The following RANBP3 variants were observed in gnomAD, a reference collection of about 807,000 sequenced individuals.
The protein encoded by RANBP3 is RAN binding protein 3.
Under a neutral mutation model 77.3 loss-of-function variants are expected in RANBP3, and 14 were observed. That is an observed-to-expected ratio of 0.18 (90% confidence interval 0.12 to 0.28). The LOEUF (loss-of-function observed/expected upper bound fraction) is 0.28, where lower values mean the gene tolerates loss of function less well. Ranked by LOEUF, RANBP3 falls within the 10% of genes least tolerant of loss-of-function variation. The probability of loss-of-function intolerance (pLI) is 1.00; values close to 1 mark genes in which losing one functional copy is unlikely to be tolerated. For synonymous variants in RANBP3, 315 were observed against 312.4 expected (o/e 1.01, Z -0.09); for missense variants, 586 against 752.3 (o/e 0.78, Z 2.59).
intron 7 of RANBP3, 50 bp from the exon 8 acceptor site, chr19:5,931,581 C>CA: frequency 1.3e-6 from 2 of 1,564,360 alleles, no homozygotes; most frequent in Admixed American, 3.5e-5. Flanking sequence ...GCGGCCCTCC[C>CA]ACCCCCACTC....
chr19:5,928,907 A>G (rs931653594), intron 8 of RANBP3, among the ~76,000 whole-genome samples: 1 of 152,230 alleles, frequency 6.6e-6, no homozygotes, highest in Non-Finnish European at 1.5e-5. Flanking sequence ...AGAAATTTTA[A>G]AAGGCTTTTG....
intron 1 of RANBP3, among the ~76,000 whole-genome samples, chr19:5,974,944 G>C (rs546428027): frequency 2.0e-5 from 3 of 152,342 alleles, no homozygotes; most frequent in Non-Finnish European, 4.4e-5. Flanking sequence ...ATGGCAAATG[G>C]ATGGAGGAGG....
At chr19:5,931,341 GGCTGCCCTCCC>G in intron 8 of RANBP3, 52 bp downstream of exon 8, 11 of 1,544,940 alleles carry the variant, frequency 7.1e-6, no homozygotes, top group Non-Finnish European at 9.7e-6. Context: ...ATGCTGGGAA[GGCTGCCCTCCC>G]GCTCCCAAGG....
Position 5,921,971 on chromosome 19 carries a change from T to C in RANBP3, c.1210-650A>G, listed in dbSNP as rs991672891. Among the ~76,000 whole-genome samples the C allele has an allele frequency of 1.3e-5, 2 of 152,132 alleles. No homozygotes were observed. Among genetic ancestry groups the C allele is most frequent in the African/African-American group, 4.8e-5 (2 of 41,442 alleles). On this transcript the variant is annotated intron_variant, in intron 13 of 16. Coordinates refer to ENST00000340578, the MANE Select transcript of RANBP3 (RefSeq NM_007322.3). The surrounding 1 kb of genome is among the most constrained non-coding windows in gnomAD (Gnocchi z 5.3). Reference sequence around the variant, plus strand: ...AAGGCCACATAGTGCGTTGATGCCATTTATATGAAATGTCAAGGACAGGCA... The same window carrying C: ...AAGGCCACATAGTGCGTTGATGCCACTTATATGAAATGTCAAGGACAGGCA...
intron 1 of RANBP3, among the ~76,000 whole-genome samples, chr19:5,969,122 G>A (rs945671510): frequency 5.3e-5 from 8 of 152,304 alleles, no homozygotes; most frequent in East Asian, 3.9e-4. Context: ...GGAGGAGAAC[G>A]GGAAGGGCTG....
Position 5,923,185 on chromosome 19 carries a change from G to A in RANBP3, c.1209+9C>T. 1 of 1,612,632 alleles carries A rather than the reference G, an allele frequency of 6.2e-7. No homozygotes were observed. On this transcript the variant is annotated intron_variant, in intron 13 of 16. Coordinates refer to ENST00000340578, the MANE Select transcript of RANBP3 (RefSeq NM_007322.3). ...ACCCAGGGCCACCGAGGAGGGGCCG[G>A]CCCCTCACCTGTAACACATTGCTCT...
intron 3 of RANBP3, among the ~76,000 whole-genome samples, chr19:5,943,979 C>A (rs1274004605): frequency 3.3e-5 from 5 of 151,990 alleles, no homozygotes; most frequent in African/African-American, 1.2e-4. Context: ...GCCGGAAGAA[C>A]TCAGTGTATT....
At position 5,932,504 on chromosome 19, in the gene RANBP3, C is replaced by G. The variant is rs758649043; in HGVS notation, c.513G>C (p.Val171=). ...GAGCTTGTAACACTGCCGGGCGAAG[C>G]ACGCTCCGCTGCTGCTCCTTGGGCT... ...SQKPKEQQRS[V]LRPAVLQAPQ... The change falls in exon 7 of 17, where the codon GTG becomes GTC. Residue 171 remains valine, a synonymous_variant. Coordinates refer to ENST00000340578, the MANE Select transcript of RANBP3 (RefSeq NM_007322.3). The G allele has an allele frequency of 6.2e-7, 1 of 1,613,882 alleles. No individual in the cohort carries two copies. The highest frequency in any genetic ancestry group is 8.5e-7 in the Non-Finnish European group (1 of 1,180,024).
chr19:5,943,904 C>T (rs948982695), intron 3 of RANBP3, among the ~76,000 whole-genome samples: 1 of 152,178 alleles, frequency 6.6e-6, no homozygotes, highest in Non-Finnish European at 1.5e-5. Context: ...GAGTCAGTAC[C>T]AACTCCGGCC....
At chr19:5,942,353 C>A (rs2058148738) in intron 3 of RANBP3, among the ~76,000 whole-genome samples, 1 of 152,162 alleles carries the variant, frequency 6.6e-6, no homozygotes, top group Non-Finnish European at 1.5e-5. Context: ...ATGTTTTGGA[C>A]CAAAGCCCAC....
intron 12 of RANBP3, among the ~76,000 whole-genome samples, chr19:5,923,603 C>A (rs1275078478): frequency 6.6e-6 from 1 of 152,230 alleles, no homozygotes; most frequent in African/African-American, 2.4e-5. Context: ...CCCCACCCTC[C>A]CCACGGCCAC....
At position 5,917,662 on chromosome 19, in the gene RANBP3, A is replaced by G. The variant is rs1328896264; in HGVS notation, c.1661-9T>C. On this transcript the variant is annotated splice_polypyrimidine_tract_variant and intron_variant, in intron 16 of 16. Coordinates refer to ENST00000340578, the MANE Select transcript of RANBP3 (RefSeq NM_007322.3). ...CCCTTCGTCACCAGCACCTGCAGGGAAGCAGCAGCCCCGCATCAGGATGGA... is the reference window on the plus strand; with the variant it reads ...CCCTTCGTCACCAGCACCTGCAGGGGAGCAGCAGCCCCGCATCAGGATGGA... 2 of 1,606,004 alleles carry G rather than the reference A, an allele frequency of 1.2e-6. No individual in the cohort carries two copies. The highest frequency in any genetic ancestry group is 2.7e-5 in the African/African-American group (2 of 74,840).
At chr19:5,965,056 T>A (rs1043041733) in intron 1 of RANBP3, among the ~76,000 whole-genome samples, 1 of 152,066 alleles carries the variant, frequency 6.6e-6, no homozygotes, top group Admixed American at 6.6e-5. Flanking sequence ...AGGGGGTCTC[T>A]TCCCCTGGTG....
Position 5,917,240 on chromosome 19 carries a change from G to A in RANBP3, c.*370C>T. On this transcript the variant is annotated 3_prime_UTR_variant, in exon 17 of 17. Transcript: ENST00000340578. Reference sequence around the variant, plus strand: ...CCCACAGCAGGGTGGGAAGGGTGTGGGTGGCGGAGAAGCCAGGGGCTCTGG... The same window carrying A: ...CCCACAGCAGGGTGGGAAGGGTGTGAGTGGCGGAGAAGCCAGGGGCTCTGG... 1 of 353,260 alleles carries A rather than the reference G, an allele frequency of 2.8e-6. No individual in the cohort carries two copies. 21.9% of individuals were successfully genotyped at this position (353,260 alleles called of 1,614,324 possible). A position where few individuals can be genotyped will look rare whatever the true frequency, so the allele number is the denominator to read the frequency against.
At chr19:5,933,776 G>T (rs1276950817) in intron 5 of RANBP3, 1 of 300,032 alleles carries the variant, frequency 3.3e-6, no homozygotes, top group African/African-American at 2.2e-5. Context: ...GCAGGCTCAG[G>T]AGCCGAGCTG....
intron 5 of RANBP3, chr19:5,934,037 G>T (rs2058032221): frequency 6.6e-6 from 1 of 152,318 alleles, no homozygotes; most frequent in Admixed American, 6.5e-5. Context: ...CAGTGAGGGG[G>T]CACTCCTGGC....
chr19:5,923,376 G>T, intron 12 of RANBP3, 73 bp from the exon 13 acceptor site: 1 of 1,457,980 alleles, frequency 6.9e-7, no homozygotes. Context: ...CATCCGACAG[G>T]AGATGAGAGG....
chr19:5,955,730 A>G (rs1037733228), intron 2 of RANBP3, among the ~76,000 whole-genome samples: 1 of 152,204 alleles, frequency 6.6e-6, no homozygotes, highest in African/African-American at 2.4e-5. Context: ...GTCAGATACT[A>G]AATATCTTAA....
At chr19:5,972,093 A>G (rs76049419) in intron 1 of RANBP3, among the ~76,000 whole-genome samples, 2,492 of 152,364 alleles carry the variant, frequency 0.016, 76 homozygotes, top group African/African-American at 0.057. Context: ...GCCAAATTAA[A>G]TATGTCTGCT....
Sources: gnomAD v4.1 joint callset for allele counts (sites outside exome capture counted in the v4.1 genomes callset) on GRCh38, gnomAD v4.1.1 for gene constraint, Gnocchi (gnomAD v3.1) non-coding constraint, MANE v1.5 for transcripts, NCBI Gene and HGNC (gene_info 2026-07-23, HGNC 2026-07-21) for gene names.